The following ACSS1 variants were observed in gnomAD, a reference collection of about 807,000 sequenced individuals.
ACSS1 encodes acyl-CoA synthetase short chain family member 1, also known as acetyl-coenzyme A synthetase 2-like, mitochondrial.
A neutral mutation model predicts 75.3 loss-of-function variants in ACSS1; 42 were observed. That is an observed-to-expected ratio of 0.56 (90% CI 0.44 to 0.72). ACSS1 has a LOEUF of 0.72. Ranked by LOEUF, ACSS1 falls within the 30% of genes least tolerant of loss-of-function variation. ACSS1 has a pLI of 0.00. For missense variants in ACSS1, 782 were observed against 935.7 expected, an observed-to-expected ratio of 0.84 and a Z score of 2.14; for synonymous variants, 380 against 376.8, an observed-to-expected ratio of 1.01 and a Z score of -0.10.
chr20:25,016,168 A>T (rs1481464199), intron 7 of ACSS1, among the ~76,000 whole-genome samples: 1 of 152,110 alleles, frequency 6.6e-6, no homozygotes, highest in Non-Finnish European at 1.5e-5. Flanking sequence ...ACGCTGGGCA[A>T]GGGAGGGGTG....
At position 25,007,154 on chromosome 20, in the gene ACSS1, C is replaced by T. The variant is rs2088323365; in HGVS notation, c.*608G>A. 2.3e-6 allele frequency: 3 copies of T among 1,322,990 alleles called. No individual in the cohort carries two copies. In the African/African-American group the frequency reaches 4.4e-5, roughly 20 times the overall value. 82.0% of individuals were successfully genotyped at this position (1,322,990 alleles called of 1,614,324 possible). On this transcript the variant is annotated 3_prime_UTR_variant, in exon 14 of 14. Transcript: ENST00000323482. ...GGAACTGTTTAGACAGAGGTACAAACATCTCCAATTCAGACTTCCAAATAC... is the reference window on the plus strand; with the variant it reads ...GGAACTGTTTAGACAGAGGTACAAATATCTCCAATTCAGACTTCCAAATAC...
At position 25,008,651 on chromosome 20, in the gene ACSS1, G is replaced by A. The variant is rs533578067; in HGVS notation, c.1890+619C>T. Among the ~76,000 whole-genome samples the A allele has an allele frequency of 3.3e-5, 5 of 152,308 alleles. No homozygotes were observed. The South Asian group carries it at 1.0e-3, about 32-fold the overall frequency. On this transcript the variant is annotated intron_variant, in intron 13 of 13. Transcript: ENST00000323482. ...GGAATGAAAAGCCGGGGGTTGAAGAGGCAGCCCAATCCTCCCCTGATTCTG... is the reference window on the plus strand; with the variant it reads ...GGAATGAAAAGCCGGGGGTTGAAGAAGCAGCCCAATCCTCCCCTGATTCTG...
At chr20:25,036,210 G>A (rs971176110) in intron 2 of ACSS1, among the ~76,000 whole-genome samples, 2 of 152,222 alleles carry the variant, frequency 1.3e-5, no homozygotes, top group Non-Finnish European at 1.5e-5. Flanking sequence ...TGGTGCAGAC[G>A]TATGCAAATG....
Position 25,006,611 on chromosome 20 carries a change from G to A in ACSS1, c.*1151C>T. On this transcript the variant is annotated 3_prime_UTR_variant, in exon 14 of 14. Coordinates refer to ENST00000323482, the MANE Select transcript of ACSS1 (RefSeq NM_032501.4). ...AGAGGACAAACTCTCCCTCCCCTAA[G>A]GGACCCGGCTCACTGGGCCTCCTTC... 1 of 515,084 alleles carries A rather than the reference G, an allele frequency of 1.9e-6. No homozygotes were observed. The highest frequency in any genetic ancestry group is 3.4e-6 in the Non-Finnish European group (1 of 290,152). 31.9% of individuals were successfully genotyped at this position (515,084 alleles called of 1,614,324 possible).
chr20:25,008,766 T>C (rs1277322588), intron 13 of ACSS1, among the ~76,000 whole-genome samples: 8 of 152,270 alleles, frequency 5.3e-5, no homozygotes, highest in African/African-American at 1.9e-4. Context: ...CCTGGTACTG[T>C]CCCCATGTCT....
At chr20:25,039,504 C>A (rs576358669) in intron 2 of ACSS1, among the ~76,000 whole-genome samples, 7 of 152,202 alleles carry the variant, frequency 4.6e-5, no homozygotes, top group Non-Finnish European at 7.3e-5. Context: ...AGTCCCCACA[C>A]GCATGGGGGT....
intron 2 of ACSS1, among the ~76,000 whole-genome samples, chr20:25,041,236 T>C (rs1212491295): frequency 1.6e-4 from 22 of 141,624 alleles, no homozygotes; most frequent in Admixed American, 6.0e-4. Flanking sequence ...CCAGCCTGGG[T>C]GACAGAGCGA....
chr20:25,031,674 T>A (rs1325256409), intron 2 of ACSS1, among the ~76,000 whole-genome samples: 2 of 152,212 alleles, frequency 1.3e-5, no homozygotes, highest in Non-Finnish European at 2.9e-5. Flanking sequence ...CACTGCGCTC[T>A]GCCACTCGCC....
intron 2 of ACSS1, among the ~76,000 whole-genome samples, chr20:25,037,458 T>A (rs145164956): frequency 0.013 from 2,055 of 152,340 alleles, 23 homozygotes; most frequent in South Asian, 0.036. Flanking sequence ...TTCATTTTCT[T>A]CTGCCAATAA....
intron 3 of ACSS1, 30 bp downstream of exon 3, chr20:25,030,729 G>T: frequency 1.2e-6 from 2 of 1,612,228 alleles, no homozygotes; most frequent in Non-Finnish European, 1.7e-6. Context: ...GAACTCCAGG[G>T]TTCCTCCCTC....
chr20:25,040,112 G>A (rs1294183425), intron 2 of ACSS1, among the ~76,000 whole-genome samples: 1 of 152,266 alleles, frequency 6.6e-6, no homozygotes, highest in South Asian at 2.1e-4. Context: ...AAGGGGTGTA[G>A]GTTTTAACAT....
chr20:25,039,696 C>A (rs1172790607), intron 2 of ACSS1, among the ~76,000 whole-genome samples: 1 of 152,240 alleles, frequency 6.6e-6, no homozygotes, highest in Non-Finnish European at 1.5e-5. Flanking sequence ...CTCCTCTAAC[C>A]AGAGCCCAGG....
chr20:25,046,739 G>T, intron 2 of ACSS1: 1 of 770,248 alleles, frequency 1.3e-6, no homozygotes, highest in South Asian at 1.4e-5. Flanking sequence ...GCAGCAGCTT[G>T]GGTCTTCAGA....
intron 4 of ACSS1, 48 bp downstream of exon 4, chr20:25,023,418 T>A (rs377369071): frequency 7.5e-6 from 12 of 1,609,972 alleles, no homozygotes; most frequent in Admixed American, 3.3e-5. Context: ...CAGAGCCAGC[T>A]AACTTGATAT....
intron 3 of ACSS1, among the ~76,000 whole-genome samples, chr20:25,028,291 A>G (rs2088763403): frequency 6.6e-6 from 1 of 152,246 alleles, no homozygotes. Context: ...GAAAGCAAGA[A>G]GAGCCAAAAC....
chr20:25,039,936 G>A (rs1366767322), intron 2 of ACSS1, among the ~76,000 whole-genome samples: 1 of 152,228 alleles, frequency 6.6e-6, no homozygotes, highest in Non-Finnish European at 1.5e-5. Flanking sequence ...GGAAGCTCCT[G>A]CAGGCTGGCA....
intron 2 of ACSS1, among the ~76,000 whole-genome samples, chr20:25,033,322 G>T (rs1393403935): frequency 1.3e-5 from 2 of 152,246 alleles, no homozygotes; most frequent in African/African-American, 4.8e-5. Flanking sequence ...ACACTGGACT[G>T]TCCCTACAGA....
At chr20:25,038,012 A>G (rs1241328333) in intron 2 of ACSS1, among the ~76,000 whole-genome samples, 1 of 152,228 alleles carries the variant, frequency 6.6e-6, no homozygotes, top group East Asian at 1.9e-4. Flanking sequence ...TTTAGCAAAG[A>G]GAAGCTGCCG....
At chr20:25,028,409 T>C (rs73095985) in intron 3 of ACSS1, among the ~76,000 whole-genome samples, 2,974 of 152,254 alleles carry the variant, frequency 0.02, 48 homozygotes, top group Non-Finnish European at 0.03. Flanking sequence ...AATAGATACA[T>C]AGGTAATCAT....
Sources: gnomAD v4.1 joint callset for allele counts (sites outside exome capture counted in the v4.1 genomes callset) on GRCh38, gnomAD v4.1.1 for gene constraint, MANE v1.5 for transcripts, NCBI Gene and HGNC (gene_info 2026-07-23, HGNC 2026-07-21) for gene names.